Variants in LPP observed in about 807,000 individuals in gnomAD.
LPP encodes LIM domain containing preferred translocation partner in lipoma.
A neutral mutation model predicts 60.4 loss-of-function variants in LPP; 38 were observed. The ratio of observed to expected loss-of-function variants is 0.63; its 90% CI spans 0.49 to 0.83. The LOEUF is 0.83. Among genes scored for constraint, LPP ranks in the 40% least tolerant of loss-of-function variants. The pLI, the probability that LPP is intolerant of heterozygous loss-of-function variation, is 0.00. For synonymous variants in LPP, 328 were observed against 290.8 expected (o/e 1.13, Z -1.30); for missense variants, 902 against 783.6 (o/e 1.15, Z -1.80).
At chr3:188,535,596 A>G (rs6767267) in intron 6 of LPP, among the ~76,000 whole-genome samples, 3,565 of 152,266 alleles carry the variant, frequency 0.023, 139 homozygotes, top group African/African-American at 0.082. Context: ...TTGCATTAAG[A>G]AAAATAAGTG....
intron 6 of LPP, among the ~76,000 whole-genome samples, chr3:188,547,913 G>A (rs1827094598): frequency 6.6e-6 from 1 of 152,126 alleles, no homozygotes. Flanking sequence ...CTCCAGAAAC[G>A]GCCCTGAGGC....
At chr3:188,753,015 G>A (rs1405451086) in intron 8 of LPP, among the ~76,000 whole-genome samples, 2 of 152,248 alleles carry the variant, frequency 1.3e-5, no homozygotes, top group African/African-American at 4.8e-5. Context: ...GTGTTAATGG[G>A]TTCTGCTCCT....
chr3:188,819,000 G>T (rs1388468775), intron 9 of LPP, among the ~76,000 whole-genome samples: 1 of 150,114 alleles, frequency 6.7e-6, no homozygotes. Context: ...TTACCTTTCT[G>T]TCTAAAGAGT....
intron 2 of LPP, among the ~76,000 whole-genome samples, chr3:188,318,676 TTGGCTTGGTGAATCAAG>T (rs1755879485): frequency 6.6e-6 from 1 of 151,914 alleles, no homozygotes; most frequent in Admixed American, 6.6e-5. Flanking sequence ...TCGACTTTGG[TTGGCTTGGTGAATCAAG>T]TAAACTGTGT....
intron 8 of LPP, among the ~76,000 whole-genome samples, chr3:188,716,912 C>T (rs1714245553): frequency 6.6e-6 from 1 of 152,228 alleles, no homozygotes. Flanking sequence ...ACTTCTAGGT[C>T]TACCCCTAGA....
At position 188,887,472 on chromosome 3, in the gene LPP, A is replaced by G. The variant is rs551373503; in HGVS notation, c.*12993A>G. On this transcript the variant is annotated 3_prime_UTR_variant, in exon 12 of 12. Transcript: ENST00000617246. ...AGTAAAAGAGATTTTTATAATTTAA[A>G]TGCCAACGACAGGAATGGCCTCATG... 1.4e-5 allele frequency: 3 copies of G among 215,854 alleles called. No homozygotes were observed. Among genetic ancestry groups the G allele is most frequent in the East Asian group, 6.9e-5 (1 of 14,462 alleles). 13.4% of individuals were successfully genotyped at this position (215,854 alleles called of 1,614,324 possible).
chr3:188,747,450 G>A (rs1199032981), intron 8 of LPP, among the ~76,000 whole-genome samples: 1 of 152,100 alleles, frequency 6.6e-6, no homozygotes, highest in African/African-American at 2.4e-5. Context: ...ATTCTGAAGG[G>A]GCTTATTCTC....
At chr3:188,231,245 G>T (rs1719841331) in intron 2 of LPP, among the ~76,000 whole-genome samples, 1 of 152,210 alleles carries the variant, frequency 6.6e-6, no homozygotes, top group Non-Finnish European at 1.5e-5. Context: ...ACCAGGAGGT[G>T]GAGTTACACG....
chr3:188,728,053 T>C (rs764964895), intron 8 of LPP, among the ~76,000 whole-genome samples: 2 of 152,148 alleles, frequency 1.3e-5, no homozygotes, highest in African/African-American at 2.4e-5. Flanking sequence ...GTTCTCAGCA[T>C]AAAGACTCAG....
intron 9 of LPP, among the ~76,000 whole-genome samples, chr3:188,798,726 A>G (rs1172826865): frequency 6.6e-6 from 1 of 152,190 alleles, no homozygotes; most frequent in African/African-American, 2.4e-5. Flanking sequence ...ATGTAGCCAT[A>G]TGTTGACTTC....
chr3:188,379,970 T>C (rs1024428458), intron 3 of LPP, among the ~76,000 whole-genome samples: 1 of 151,922 alleles, frequency 6.6e-6, no homozygotes, highest in Non-Finnish European at 1.5e-5. Flanking sequence ...TCATGGAGAT[T>C]ATGAATGCTT....
chr3:188,478,825 G>A (rs747864272), intron 4 of LPP, among the ~76,000 whole-genome samples: 3 of 151,826 alleles, frequency 2.0e-5, no homozygotes, highest in Non-Finnish European at 2.9e-5. Flanking sequence ...GCTCCATCTC[G>A]GCTCACTGCA....
chr3:188,574,000 A>C (rs1834062662), intron 6 of LPP, among the ~76,000 whole-genome samples: 1 of 152,180 alleles, frequency 6.6e-6, no homozygotes, highest in South Asian at 2.1e-4. Context: ...CGTAGCTCCA[A>C]CTGTAATCTT....
chr3:188,712,348 C>G (rs1329660574), intron 8 of LPP: 1 of 152,298 alleles, frequency 6.6e-6, no homozygotes, highest in African/African-American at 2.4e-5. Context: ...TGCAGAGGCT[C>G]TGCCCTCATG....
rs1770981529 is a variant in LPP at position 188,889,032 on chromosome 3, C to T, written c.*14553C>T. ...TCATATGTGTGTTCTATAAACTAAG[C>T]ATCGGTGGGTTTAGAGTGTTAAAGT... On this transcript the variant is annotated 3_prime_UTR_variant, in exon 12 of 12. Coordinates refer to ENST00000617246, the MANE Select transcript of LPP (RefSeq NM_001375462.1). 4.5e-6 allele frequency: 1 copy of T among 220,384 alleles called. No individual in the cohort carries two copies. The highest frequency in any genetic ancestry group is 2.2e-5 in the African/African-American group (1 of 44,594). 13.7% of individuals were successfully genotyped at this position (220,384 alleles called of 1,614,324 possible).
At chr3:188,228,315 GTC>G (rs1250366152) in intron 2 of LPP, among the ~76,000 whole-genome samples, 4 of 152,210 alleles carry the variant, frequency 2.6e-5, no homozygotes, top group South Asian at 4.1e-4. Context: ...GTCTGCTGGG[GTC>G]TCTGGCATGG....
chr3:188,197,286 A>G (rs1221311884), intron 1 of LPP, among the ~76,000 whole-genome samples: 3 of 152,098 alleles, frequency 2.0e-5, no homozygotes, highest in Non-Finnish European at 2.9e-5. Flanking sequence ...GGACTGAAGG[A>G]TATTGAATAG....
At chr3:188,411,807 A>G (rs1328185651) in intron 4 of LPP, among the ~76,000 whole-genome samples, 1 of 152,154 alleles carries the variant, frequency 6.6e-6, no homozygotes, top group Non-Finnish European at 1.5e-5. Context: ...TTTTTGGTAA[A>G]TAGCAAAGCA....
At position 188,877,224 on chromosome 3, in the gene LPP, A is replaced by G. The variant is rs1769354536; in HGVS notation, c.*2745A>G. 1 of 176,302 alleles carries G rather than the reference A, an allele frequency of 5.7e-6. No homozygotes were observed. The highest frequency in any genetic ancestry group is 2.4e-5 in the African/African-American group (1 of 42,250). The allele number at this position is 176,302 out of a possible 1,614,324, so 10.9% of individuals were successfully genotyped here. On this transcript the variant is annotated 3_prime_UTR_variant, in exon 12 of 12. Coordinates refer to ENST00000617246, the MANE Select transcript of LPP (RefSeq NM_001375462.1). ...TTTAGTTGCATGAAATTTTGCCTGC[A>G]ACAGAGAGAAAAAGATTGTATTACT...
Sources: gnomAD v4.1 joint callset for allele counts (sites outside exome capture counted in the v4.1 genomes callset) on GRCh38, gnomAD v4.1.1 for gene constraint, MANE v1.5 for transcripts, NCBI Gene and HGNC (gene_info 2026-07-23, HGNC 2026-07-21) for gene names.